The following ZNF638 variants were observed in gnomAD, a reference collection of about 807,000 sequenced individuals.
ZNF638 encodes zinc finger protein 638.
A neutral mutation model predicts 195.6 loss-of-function variants in ZNF638; 46 were observed. The observed-to-expected ratio is 0.24, with a 90% CI of 0.19 to 0.30. The LOEUF (loss-of-function observed/expected upper bound fraction) is 0.30, where lower values mean the gene tolerates loss of function less well. Ranked by LOEUF, ZNF638 falls within the 10% of genes least tolerant of loss-of-function variation. The pLI is 1.00. For missense variants in ZNF638, 2,440 were observed against 2,325.3 expected (o/e 1.05, Z -1.01); for synonymous variants, 845 against 772.0 (o/e 1.09, Z -1.57).
intron 2 of ZNF638, 34 bp from the exon 3 acceptor site, chr2:71,355,682 ATAT>A: frequency 1.2e-5 from 16 of 1,335,410 alleles, no homozygotes; most frequent in African/African-American, 3.0e-5. Flanking sequence ...AACATGAGGA[ATAT>A]TCTAATTTCA....
At position 71,423,371 on chromosome 2, in the gene ZNF638, G is replaced by T. The variant is rs370324872; in HGVS notation, c.3857G>T (p.Gly1286Val). 1.4e-5 allele frequency: 22 copies of T among 1,613,786 alleles called. No homozygotes were observed. The highest frequency in any genetic ancestry group is 1.7e-5 in the Non-Finnish European group (20 of 1,179,994). The change falls in exon 22 of 28, where the codon GGA becomes GTA. Residue 1286 changes from glycine (G) to valine (V), a missense_variant. Physicochemically the swap from Gly to Val is moderately radical, Grantham distance 109 (BLOSUM62 -3). Coordinates refer to ENST00000264447, the MANE Select transcript of ZNF638 (RefSeq NM_014497.5). ...ACTTGTATTGTGACGTTAGTACCAG[G>T]AATTCCCACTGGGGATGAGAAGACA... is the stretch of plus-strand genomic sequence containing the variant. Reference protein sequence around the residue: ...PSTCIVTLVPGIPTGDEKTVD... With the variant: ...PSTCIVTLVPVIPTGDEKTVD...
chr2:71,402,652 T>TC (rs2080029996), intron 16 of ZNF638, among the ~76,000 whole-genome samples: 1 of 152,176 alleles, frequency 6.6e-6, no homozygotes, highest in Non-Finnish European at 1.5e-5. Context: ...GGTTTATCTT[T>TC]ATGTTCTAAA....
chr2:71,430,829 T>G (rs781205918), intron 25 of ZNF638, among the ~76,000 whole-genome samples: 2 of 152,198 alleles, frequency 1.3e-5, no homozygotes, highest in Non-Finnish European at 2.9e-5. Context: ...ATTGAGTGCT[T>G]CTTACGTGTT....
At chr2:71,417,441 G>T (rs1034702100) in intron 20 of ZNF638, among the ~76,000 whole-genome samples, 2 of 152,036 alleles carry the variant, frequency 1.3e-5, no homozygotes, top group Non-Finnish European at 2.9e-5. Flanking sequence ...CGTCTTCTGC[G>T]TCGCTCACGC....
Position 71,424,058 on chromosome 2 carries a change from T to C in ZNF638, c.4524+20T>C. The C allele has an allele frequency of 6.2e-7, 1 of 1,603,388 alleles. No individual in the cohort carries two copies. The highest frequency in any genetic ancestry group is 1.1e-5 in the South Asian group (1 of 89,238). ...AATAAGGTGAGGAGGGTAGGAAGAA[T>C]GGCACAGTGTGTCTTTGAAGTGATT... is the stretch of plus-strand genomic sequence containing the variant. On this transcript the variant is annotated intron_variant, in intron 22 of 27. Coordinates refer to ENST00000264447, the MANE Select transcript of ZNF638 (RefSeq NM_014497.5).
At chr2:71,335,428 A>G (rs560436904) in intron 1 of ZNF638, among the ~76,000 whole-genome samples, 2 of 152,326 alleles carry the variant, frequency 1.3e-5, no homozygotes, top group South Asian at 2.1e-4. Context: ...TGTTCATTCA[A>G]GTTTTAAAAA....
chr2:71,395,364 G>T (rs907788490), intron 10 of ZNF638: 1 of 710,520 alleles, frequency 1.4e-6, no homozygotes. Context: ...AGATGTAGGA[G>T]ATCAGTCAGG....
chr2:71,423,072 C>T lies in ZNF638; in HGVS notation c.3558C>T (p.Val1186=), dbSNP rs1273848631. 6.2e-7 allele frequency: 1 copy of T among 1,613,952 alleles called. No homozygotes were observed. The highest frequency in any genetic ancestry group is 8.5e-7 in the Non-Finnish European group (1 of 1,179,996). The stretch of plus-strand genomic sequence containing the variant: ...TTCCTCTTGTAGCATCCGCTTCAGT[C>T]AGTATTGAACAATTCACTGAAAATG... ...EEIPLVASAS[V]SIEQFTENAE... Residue 1186 remains valine, a synonymous_variant, in exon 22 of 28, where the codon GTC becomes GTT. Coordinates refer to ENST00000264447, the MANE Select transcript of ZNF638 (RefSeq NM_014497.5).
At chr2:71,344,604 T>G (rs1265217850) in intron 1 of ZNF638, among the ~76,000 whole-genome samples, 1 of 152,220 alleles carries the variant, frequency 6.6e-6, no homozygotes, top group Non-Finnish European at 1.5e-5. Context: ...AAGAAAACTT[T>G]CTCAAAATTT....
At chr2:71,410,978 CCA>C (rs1187147899) in intron 20 of ZNF638, among the ~76,000 whole-genome samples, 1 of 60,504 alleles carries the variant, frequency 1.7e-5, no homozygotes, top group African/African-American at 6.2e-5. Flanking sequence ...TCCCCACCCA[CCA>C]CCTCCCCCCC....
chr2:71,389,826 T>C (rs537467765), intron 10 of ZNF638, among the ~76,000 whole-genome samples: 3 of 152,274 alleles, frequency 2.0e-5, no homozygotes, highest in East Asian at 3.9e-4. Flanking sequence ...GATAATCTTA[T>C]TGTTGCAGTT....
At chr2:71,393,904 C>A (rs2079840096) in intron 10 of ZNF638, among the ~76,000 whole-genome samples, 1 of 152,170 alleles carries the variant, frequency 6.6e-6, no homozygotes, top group African/African-American at 2.4e-5. Context: ...TATCTTCCCA[C>A]TGTGTGTAAG....
intron 2 of ZNF638, among the ~76,000 whole-genome samples, chr2:71,354,751 GAAAA>G (rs754928381): frequency 7.5e-6 from 1 of 133,850 alleles, no homozygotes; most frequent in Non-Finnish European, 1.6e-5. Context: ...AAAAAGAAAA[GAAAA>G]AAAAAAAAGA....
Position 71,427,414 on chromosome 2 carries a change from G to T in ZNF638, c.5545G>T (p.Ala1849Ser). 1 of 1,540,080 alleles carries T rather than the reference G, an allele frequency of 6.5e-7. No homozygotes were observed. ...LKTMIERHLT[A>S]KTPTKRVRIG... ...AACCATGATTGAAAGACACTTAACA[G>T]GTAGATACTTGGAAGGGGTAGTCTT... The change falls in exon 24 of 28, where the codon GCT becomes TCT. Residue 1849 changes from alanine to serine, a missense_variant and splice_region_variant. This residue lies in a region of ZNF638 where 1,883 missense variants were observed against 1,739.1 expected (regional missense o/e 1.08). Transcript: ENST00000264447.
At chr2:71,363,635 A>G (rs569950774) in intron 4 of ZNF638, among the ~76,000 whole-genome samples, 1 of 152,362 alleles carries the variant, frequency 6.6e-6, no homozygotes, top group African/African-American at 2.4e-5. Context: ...AATTCTTTAC[A>G]TAATTTAATA....
At chr2:71,334,427 T>C (rs1434765650) in intron 1 of ZNF638, 1 of 152,220 alleles carries the variant, frequency 6.6e-6, no homozygotes, top group Non-Finnish European at 1.5e-5. Context: ...AAAGTAATTA[T>C]GTTTGTGGCT....
At chr2:71,424,855 T>A in intron 23 of ZNF638, 140 bp downstream of exon 23, 1 of 647,590 alleles carries the variant, frequency 1.5e-6, no homozygotes, top group Non-Finnish European at 2.6e-6. Context: ...GTTTTGTTTT[T>A]AACTTATCTC....
At chr2:71,366,368 A>G (rs1018904795) in intron 6 of ZNF638, among the ~76,000 whole-genome samples, 28 of 152,144 alleles carry the variant, frequency 1.8e-4, no homozygotes, top group Non-Finnish European at 4.0e-4. Flanking sequence ...CTCAAGAAAA[A>G]AAAAAAAATG....
chr2:71,348,362 A>T, intron 1 of ZNF638: 1 of 955,624 alleles, frequency 1.0e-6, no homozygotes, highest in African/African-American at 1.8e-5. Flanking sequence ...TGTATATCTG[A>T]TAACATGCGT....
Sources: gnomAD v4.1 joint callset for allele counts (sites outside exome capture counted in the v4.1 genomes callset) on GRCh38, gnomAD v4.1.1 for gene constraint, gnomAD v4.1.1 regional missense constraint, MANE v1.5 for transcripts, NCBI Gene and HGNC (gene_info 2026-07-23, HGNC 2026-07-21) for gene names.